The following PPM1L variants were observed in gnomAD, a reference collection of about 807,000 sequenced individuals.
PPM1L encodes the protein protein phosphatase, Mg2+/Mn2+ dependent 1L, also known as protein phosphatase 1L.
A neutral mutation model predicts 31.4 loss-of-function variants in PPM1L; 13 were observed. That is an observed-to-expected ratio of 0.41 (90% CI 0.27 to 0.66). PPM1L has a LOEUF of 0.66. Ranked by LOEUF, PPM1L falls within the 30% of genes least tolerant of loss-of-function variation. The pLI is 0.29. For missense variants in PPM1L, 326 were observed against 453.7 expected (o/e 0.72, Z 2.56); for synonymous variants, 184 against 175.4 (o/e 1.05, Z -0.39).
chr3:161,008,327 G>A (rs752811742), intron 2 of PPM1L, among the ~76,000 whole-genome samples: 2 of 152,196 alleles, frequency 1.3e-5, no homozygotes, highest in African/African-American at 2.4e-5. Flanking sequence ...GACAAGCCTT[G>A]CAGGGTTTCC....
At chr3:160,925,499 T>A (rs930891616) in intron 1 of PPM1L, among the ~76,000 whole-genome samples, 8 of 152,200 alleles carry the variant, frequency 5.3e-5, no homozygotes, top group African/African-American at 1.9e-4. Flanking sequence ...GTCTTGGATT[T>A]TTACACTAGT....
At chr3:160,846,628 G>A (rs933579781) in intron 1 of PPM1L, among the ~76,000 whole-genome samples, 1 of 152,056 alleles carries the variant, frequency 6.6e-6, no homozygotes, top group African/African-American at 2.4e-5. Context: ...ATGTATGGAA[G>A]ATCAGTCACC....
At chr3:160,830,218 G>T (rs1438664821) in intron 1 of PPM1L, among the ~76,000 whole-genome samples, 5 of 152,158 alleles carry the variant, frequency 3.3e-5, no homozygotes, top group African/African-American at 9.6e-5. Context: ...ATTATGGAAT[G>T]CCAACCCTGA....
chr3:160,919,073 T>G (rs994530701), intron 1 of PPM1L, among the ~76,000 whole-genome samples: 4 of 152,192 alleles, frequency 2.6e-5, no homozygotes, highest in Non-Finnish European at 4.4e-5. Context: ...CAGACTGGGA[T>G]AATGTCTTTG....
intron 2 of PPM1L, among the ~76,000 whole-genome samples, chr3:161,018,058 TG>T (rs1718134740): frequency 6.6e-6 from 1 of 151,850 alleles, no homozygotes; most frequent in Non-Finnish European, 1.5e-5. Context: ...AAAAAAAGAA[TG>T]GGGTATACAT....
Position 161,071,794 on chromosome 3 carries a change from T to C in PPM1L, c.*2637T>C, listed in dbSNP as rs1171945218. On this transcript the variant is annotated 3_prime_UTR_variant, in exon 4 of 4. Coordinates refer to ENST00000498165, the MANE Select transcript of PPM1L (RefSeq NM_139245.4). The stretch of plus-strand genomic sequence containing the variant: ...CTCCTGGGGGTGCCCTATGGTACAC[T>C]GGCTGCTCCCCAGGGACCTGGGAAT... The C allele has an allele frequency of 1.3e-5, 2 of 152,258 alleles. No individual in the cohort carries two copies. The highest frequency in any genetic ancestry group is 2.9e-5 in the Non-Finnish European group (2 of 68,056). The allele number at this position is 152,258 out of a possible 1,614,324, so 9.4% of individuals were successfully genotyped here.
At chr3:160,840,774 A>AAG (rs1319429429) in intron 1 of PPM1L, among the ~76,000 whole-genome samples, 2 of 134,842 alleles carry the variant, frequency 1.5e-5, no homozygotes, top group South Asian at 2.5e-4. Flanking sequence ...GAGAGAGAGA[A>AAG]AGAGAGAGAG....
intron 1 of PPM1L, among the ~76,000 whole-genome samples, chr3:160,835,559 C>T (rs542993617): frequency 1.3e-5 from 2 of 152,232 alleles, no homozygotes; most frequent in South Asian, 2.1e-4. Context: ...AGATACTCCA[C>T]CATCATCCGT....
chr3:160,892,557 T>A (rs935809440), intron 1 of PPM1L, among the ~76,000 whole-genome samples: 4 of 152,124 alleles, frequency 2.6e-5, no homozygotes, highest in African/African-American at 9.7e-5. Flanking sequence ...TTTCTAAGCT[T>A]AACTTTGATA....
intron 1 of PPM1L, among the ~76,000 whole-genome samples, chr3:160,883,879 T>TCC (rs1712816677): frequency 3.5e-5 from 1 of 28,340 alleles, no homozygotes; most frequent in African/African-American, 8.5e-5. Flanking sequence ...ACCTTGTCTC[T>TCC]ACAAAAAAAA....
chr3:161,056,080 C>T (rs1481784686), intron 2 of PPM1L, among the ~76,000 whole-genome samples: 1 of 152,066 alleles, frequency 6.6e-6, no homozygotes, highest in East Asian at 1.9e-4. Flanking sequence ...TTAAATCATA[C>T]CTGTGTGCCT....
intron 1 of PPM1L, among the ~76,000 whole-genome samples, chr3:160,810,660 G>A (rs562171928): frequency 6.6e-6 from 1 of 152,318 alleles, no homozygotes; most frequent in African/African-American, 2.4e-5. Context: ...AGGGCACATA[G>A]CTACTAGCAT....
At position 160,990,625 on chromosome 3, in the gene PPM1L, G is replaced by A. The variant is rs547710425; in HGVS notation, c.574+28715G>A. On this transcript the variant is annotated intron_variant, in intron 2 of 3. Coordinates refer to ENST00000498165, the MANE Select transcript of PPM1L (RefSeq NM_139245.4). Reference sequence around the variant, plus strand: ...TTGATGAAGTGATTTTTTTAAGATAGCAATTCCTCTTTGTGAAGTTCTAAA... The same window carrying A: ...TTGATGAAGTGATTTTTTTAAGATAACAATTCCTCTTTGTGAAGTTCTAAA... Among the ~76,000 whole-genome samples the A allele has an allele frequency of 1.5e-3, 223 of 152,222 alleles. 3 individuals carry two copies. The South Asian group carries it at 0.019, about 13-fold the overall frequency.
chr3:160,977,581 C>T (rs1031406212), intron 2 of PPM1L, among the ~76,000 whole-genome samples: 1 of 152,130 alleles, frequency 6.6e-6, no homozygotes, highest in Non-Finnish European at 1.5e-5. Context: ...CTGTCTTAGT[C>T]TGCCTCATTC....
At chr3:160,852,474 C>T (rs532716156) in intron 1 of PPM1L, among the ~76,000 whole-genome samples, 8 of 152,104 alleles carry the variant, frequency 5.3e-5, no homozygotes, top group Non-Finnish European at 7.4e-5. Flanking sequence ...TTGTTTTTCC[C>T]CTCAAATAAA....
intron 1 of PPM1L, among the ~76,000 whole-genome samples, chr3:160,773,091 G>GT (rs1711500166): frequency 6.6e-6 from 1 of 152,190 alleles, no homozygotes. Context: ...GGATTGTGTG[G>GT]TAGGTGTATG....
intron 1 of PPM1L, among the ~76,000 whole-genome samples, chr3:160,939,234 A>G (rs192826569): frequency 6.6e-6 from 1 of 152,132 alleles, no homozygotes; most frequent in African/African-American, 2.4e-5. Flanking sequence ...TTCCCCTCCA[A>G]ACACACGTAC....
intron 1 of PPM1L, among the ~76,000 whole-genome samples, chr3:160,807,194 A>G (rs1312814729): frequency 6.6e-6 from 1 of 152,210 alleles, no homozygotes; most frequent in African/African-American, 2.4e-5. Context: ...ATTTTAGGAA[A>G]ATCACTCTGG....
chr3:161,057,174 T>C (rs1362056361), intron 2 of PPM1L, among the ~76,000 whole-genome samples: 1 of 152,112 alleles, frequency 6.6e-6, no homozygotes, highest in Non-Finnish European at 1.5e-5. Context: ...TAGCATGATA[T>C]GTGATGTACA....
Sources: gnomAD v4.1 joint callset for allele counts (sites outside exome capture counted in the v4.1 genomes callset) on GRCh38, gnomAD v4.1.1 for gene constraint, MANE v1.5 for transcripts, NCBI Gene and HGNC (gene_info 2026-07-23, HGNC 2026-07-21) for gene names.